RTN1: variants seen among roughly 807,000 people sequenced by gnomAD.
RTN1 encodes reticulon 1.
In RTN1, 25 loss-of-function variants were observed where a neutral mutation model predicts 65.5. The ratio of observed to expected loss-of-function variants is 0.38; its 90% CI spans 0.28 to 0.53. The LOEUF (loss-of-function observed/expected upper bound fraction) is 0.53. Among genes scored for constraint, RTN1 ranks in the 20% least tolerant of loss-of-function variants. RTN1 has a pLI of 0.79. For missense variants in RTN1, 983 were observed against 1,025.4 expected (o/e 0.96, Z 0.57); for synonymous variants, 471 against 447.6 (o/e 1.05, Z -0.66).
chr14:59,775,188 C>G (rs1215994117), intron 1 of RTN1, among the ~76,000 whole-genome samples: 1 of 152,076 alleles, frequency 6.6e-6, no homozygotes, highest in Non-Finnish European at 1.5e-5. Flanking sequence ...TGTCTACTGG[C>G]TGAATGTCAC....
At chr14:59,643,798 A>C (rs1191673644) in intron 3 of RTN1, among the ~76,000 whole-genome samples, 1 of 152,238 alleles carries the variant, frequency 6.6e-6, no homozygotes, top group Non-Finnish European at 1.5e-5. Context: ...TTAAAATGTC[A>C]GAATCTAAAG....
chr14:59,792,794 A>C (rs1414891372), intron 1 of RTN1, among the ~76,000 whole-genome samples: 3 of 152,202 alleles, frequency 2.0e-5, no homozygotes, highest in African/African-American at 7.2e-5. Context: ...AAAATAGTCA[A>C]TAATTCTTTC....
At chr14:59,692,924 T>C (rs2140229092) in intron 3 of RTN1, among the ~76,000 whole-genome samples, 1 of 152,316 alleles carries the variant, frequency 6.6e-6, no homozygotes, top group South Asian at 2.1e-4. Context: ...CCACCACCTT[T>C]AATAATTAGG....
intron 1 of RTN1, among the ~76,000 whole-genome samples, chr14:59,831,619 T>C (rs756249978): frequency 6.6e-5 from 10 of 152,186 alleles, no homozygotes; most frequent in Non-Finnish European, 1.5e-4. Flanking sequence ...TGTGTGTGTA[T>C]GTATAATATG....
intron 1 of RTN1, among the ~76,000 whole-genome samples, chr14:59,795,029 T>G (rs1422799932): frequency 6.6e-6 from 1 of 152,204 alleles, no homozygotes; most frequent in Non-Finnish European, 1.5e-5. Context: ...TTTCCATGTG[T>G]TCTTCTAAAC....
At chr14:59,754,413 T>C (rs1238170658) in intron 1 of RTN1, among the ~76,000 whole-genome samples, 11 of 152,208 alleles carry the variant, frequency 7.2e-5, no homozygotes, top group Admixed American at 7.2e-4. Flanking sequence ...TAAAATTCTA[T>C]TAATAGTTCT....
chr14:59,861,759 A>G (rs1414318242), intron 1 of RTN1, among the ~76,000 whole-genome samples: 7 of 152,204 alleles, frequency 4.6e-5, no homozygotes. Flanking sequence ...CCTTTGCTTC[A>G]TGAAAGTTCT....
intron 1 of RTN1, among the ~76,000 whole-genome samples, chr14:59,811,789 G>C (rs1188960231): frequency 6.6e-6 from 1 of 152,128 alleles, no homozygotes; most frequent in East Asian, 1.9e-4. Flanking sequence ...CTGTTTTAGT[G>C]ATAAAATATC....
Position 59,870,429 on chromosome 14 carries a change from CG to C in RTN1, c.201del (p.Ala68ProfsTer89). On this transcript the variant is annotated frameshift_variant, in exon 1 of 9. Coordinates refer to ENST00000267484, the MANE Select transcript of RTN1 (RefSeq NM_021136.3). LOFTEE classifies it high-confidence loss of function. The surrounding 1 kb of genome is among the most constrained non-coding windows in gnomAD (Gnocchi z 5.1). ...EAASREAGSG[P>X]ARQSPVAMET... ...TCCATGGCAACGGGCGACTGCCGGG[CG>C]GGGCCCGAGCCGGCTTCCCGCGACG... 1 of 1,519,778 alleles carries C rather than the reference CG, an allele frequency of 6.6e-7. No individual in the cohort carries two copies. The highest frequency in any genetic ancestry group is 2.1e-5 in the Admixed American group (1 of 47,978). 94.1% of individuals were successfully genotyped at this position (1,519,778 alleles called of 1,614,324 possible). A position where few individuals can be genotyped will look rare whatever the true frequency, so the allele number is the denominator to read the frequency against.
At chr14:59,749,028 A>T (rs2139513801) in intron 1 of RTN1, among the ~76,000 whole-genome samples, 1 of 149,238 alleles carries the variant, frequency 6.7e-6, no homozygotes, top group African/African-American at 2.5e-5. Flanking sequence ...ACCTCAGGTG[A>T]TCCTCCCACC....
At chr14:59,649,118 T>C (rs887077047) in intron 3 of RTN1, among the ~76,000 whole-genome samples, 2 of 152,134 alleles carry the variant, frequency 1.3e-5, no homozygotes, top group Non-Finnish European at 2.9e-5. Flanking sequence ...TTTACAACCA[T>C]CTGATCTTTG....
chr14:59,607,336 T>C lies in RTN1; in HGVS notation c.1922A>G (p.Tyr641Cys). The change falls in exon 4 of 9, where the codon TAC becomes TGC. Residue 641 changes from tyrosine (Y) to cysteine (C), a missense_variant. Physicochemically the swap from Tyr to Cys is radical, Grantham distance 194. This residue lies in a region of RTN1 where 165 missense variants were observed against 223.6 expected (regional missense o/e 0.74). Coordinates refer to ENST00000267484, the MANE Select transcript of RTN1 (RefSeq NM_021136.3). Reference sequence around the variant, plus strand: ...CTGCACTGCTTGTAAAACAGACTTGTAGATGCGGAAACTGATGGTGGCTGA... The same window carrying C: ...CTGCACTGCTTGTAAAACAGACTTGCAGATGCGGAAACTGATGGTGGCTGA... ...ALSATISFRI[Y>C]KSVLQAVQKT... The C allele has an allele frequency of 6.2e-7, 1 of 1,613,774 alleles. No homozygotes were observed. Among genetic ancestry groups the C allele is most frequent in the South Asian group, 1.1e-5 (1 of 91,056 alleles).
Position 59,746,189 on chromosome 14 carries a change from C to T in RTN1, c.534G>A (p.Val178=), listed in dbSNP as rs1885219998. 2 of 1,608,908 alleles carry T rather than the reference C, an allele frequency of 1.2e-6. No individual in the cohort carries two copies. Among genetic ancestry groups the T allele is most frequent in the African/African-American group, 2.7e-5 (2 of 74,530 alleles). The change falls in exon 2 of 9, where the codon GTG becomes GTA. Residue 178 remains valine (V), a synonymous_variant. Coordinates refer to ENST00000267484, the MANE Select transcript of RTN1 (RefSeq NM_021136.3). ...CCAGAGGGTCTGCTAAGATCTTGTT[C>T]ACTTCCGTGGACTCTGCAGGAGTCA... ...IEMTPAESTE[V]NKILADPLDQ... is the part of the protein sequence containing the mutation.
rs1887782212 is a variant in RTN1 at position 59,865,439 on chromosome 14, C to G, written c.241+4951G>C. ...AAGATTTTACCTTCTGTTTACTTAT[C>G]CTGGGATCCCAGTATCTCTTTCTGT... On this transcript the variant is annotated intron_variant, in intron 1 of 8. Coordinates refer to ENST00000267484, the MANE Select transcript of RTN1 (RefSeq NM_021136.3). Among the ~76,000 whole-genome samples the G allele has an allele frequency of 2.0e-5, 3 of 152,130 alleles. No individual in the cohort carries two copies. The South Asian group carries it at 6.2e-4, about 32-fold the overall frequency.
intron 3 of RTN1, among the ~76,000 whole-genome samples, chr14:59,723,443 A>C (rs1884689745): frequency 7.0e-6 from 1 of 142,064 alleles, no homozygotes; most frequent in African/African-American, 2.5e-5. Context: ...CATCTCCACT[A>C]AAAAAAAAAA....
chr14:59,679,164 T>C (rs1460963461), intron 3 of RTN1, among the ~76,000 whole-genome samples: 1 of 152,200 alleles, frequency 6.6e-6, no homozygotes, highest in Non-Finnish European at 1.5e-5. Context: ...TATTGAGTAT[T>C]ATCATGTGTA....
intron 4 of RTN1, chr14:59,606,026 T>C (rs566433491): frequency 5.3e-5 from 8 of 151,138 alleles, no homozygotes; most frequent in South Asian, 2.1e-4. Flanking sequence ...TTATGGGTTC[T>C]ACTGAGTGGT....
At chr14:59,692,921 C>A (rs958390650) in intron 3 of RTN1, among the ~76,000 whole-genome samples, 8 of 152,174 alleles carry the variant, frequency 5.3e-5, no homozygotes, top group Non-Finnish European at 4.4e-5. Context: ...GAGCCACCAC[C>A]TTTAATAATT....
chr14:59,738,704 A>C (rs140775239), intron 2 of RTN1, among the ~76,000 whole-genome samples: 1 of 152,386 alleles, frequency 6.6e-6, no homozygotes, highest in Non-Finnish European at 1.5e-5. Context: ...AGGCACATGT[A>C]TGTTTATTGC....
Sources: allele counts gnomAD v4.1 joint callset (sites outside exome capture counted in the v4.1 genomes callset), GRCh38; gene constraint gnomAD v4.1.1; regional missense constraint gnomAD v4.1.1; non-coding constraint Gnocchi (gnomAD v3.1); transcripts MANE v1.5; gene names NCBI Gene and HGNC (gene_info 2026-07-23, HGNC 2026-07-21).